Variants in OSBPL10 observed in about 807,000 individuals in gnomAD.
OSBPL10 encodes the protein oxysterol binding protein like 10.
OSBPL10 carries 49 observed loss-of-function variants against 81.7 expected under a neutral mutation model. The ratio of observed to expected loss-of-function variants is 0.60; its 90% CI spans 0.48 to 0.76. The LOEUF (loss-of-function observed/expected upper bound fraction) is 0.76. OSBPL10 is among the 30% of genes least tolerant of loss of function. The pLI is 0.00. For missense variants in OSBPL10, 923 were observed against 987.8 expected (o/e 0.93, Z 0.88); for synonymous variants, 419 against 383.6 (o/e 1.09, Z -1.08).
chr3:32,002,514 G>A (rs1302374409), intron 2 of OSBPL10, among the ~76,000 whole-genome samples: 1 of 152,162 alleles, frequency 6.6e-6, no homozygotes, highest in Admixed American at 6.5e-5. Flanking sequence ...TGTTTGCTGG[G>A]AAGCAATAAG....
At chr3:31,688,546 C>A (rs921903337) in intron 7 of OSBPL10, among the ~76,000 whole-genome samples, 1 of 152,140 alleles carries the variant, frequency 6.6e-6, no homozygotes, top group Non-Finnish European at 1.5e-5. Context: ...AGTGGATAGA[C>A]ACCTGACTCC....
intron 4 of OSBPL10, among the ~76,000 whole-genome samples, chr3:31,826,554 T>C (rs1289213000): frequency 1.5e-4 from 23 of 152,226 alleles, no homozygotes; most frequent in Admixed American, 1.5e-3. Context: ...TATTTCTCTT[T>C]TATTCTCCTG....
intron 1 of OSBPL10, among the ~76,000 whole-genome samples, chr3:31,932,589 T>C (rs1697279592): frequency 6.6e-6 from 1 of 152,186 alleles, no homozygotes; most frequent in African/African-American, 2.4e-5. Flanking sequence ...ATAAGTCTAC[T>C]ATATCCTTAC....
chr3:32,013,489 G>A (rs1559549334), intron 2 of OSBPL10, among the ~76,000 whole-genome samples: 1 of 152,150 alleles, frequency 6.6e-6, no homozygotes, highest in Non-Finnish European at 1.5e-5. Flanking sequence ...ACAAGAGAAA[G>A]CAGGAAAGAT....
At chr3:31,803,601 A>G (rs1699447485) in intron 4 of OSBPL10, among the ~76,000 whole-genome samples, 1 of 152,218 alleles carries the variant, frequency 6.6e-6, no homozygotes, top group Admixed American at 6.5e-5. Flanking sequence ...AGTTATTCAA[A>G]TGAAGAAATT....
At chr3:31,736,726 C>T (rs1174177376) in intron 5 of OSBPL10, among the ~76,000 whole-genome samples, 2 of 152,100 alleles carry the variant, frequency 1.3e-5, no homozygotes, top group African/African-American at 2.4e-5. Flanking sequence ...ACAGTGAGAC[C>T]CTGTCTCTAC....
At chr3:32,015,757 A>G (rs1436621619) in intron 2 of OSBPL10, among the ~76,000 whole-genome samples, 1 of 152,328 alleles carries the variant, frequency 6.6e-6, no homozygotes, top group South Asian at 2.1e-4. Flanking sequence ...TTTACAAGAA[A>G]AAAACAACCC....
intron 4 of OSBPL10, among the ~76,000 whole-genome samples, chr3:31,819,023 T>C (rs1699919560): frequency 6.6e-6 from 1 of 152,250 alleles, no homozygotes; most frequent in Non-Finnish European, 1.5e-5. Flanking sequence ...AAGAGCACGG[T>C]TGCTAAGATT....
chr3:31,890,612 T>A (rs562657492), intron 1 of OSBPL10, among the ~76,000 whole-genome samples: 9 of 152,258 alleles, frequency 5.9e-5, no homozygotes, highest in Non-Finnish European at 1.0e-4. Flanking sequence ...CAAGATTTGA[T>A]GCACTGAGCT....
At chr3:31,863,952 G>A (rs1304872065) in intron 3 of OSBPL10, among the ~76,000 whole-genome samples, 1 of 152,100 alleles carries the variant, frequency 6.6e-6, no homozygotes. Flanking sequence ...ACTACTAACA[G>A]GTAAAGGAGA....
At chr3:31,858,066 G>T (rs1198143189) in intron 3 of OSBPL10, among the ~76,000 whole-genome samples, 6 of 151,264 alleles carry the variant, frequency 4.0e-5, no homozygotes, top group Admixed American at 2.6e-4. Flanking sequence ...CGTAATCATG[G>T]CTCACTGCAG....
At chr3:31,843,041 A>G (rs890306061) in intron 3 of OSBPL10, among the ~76,000 whole-genome samples, 1 of 152,190 alleles carries the variant, frequency 6.6e-6, no homozygotes, top group African/African-American at 2.4e-5. Context: ...CCTGCCTTAC[A>G]CCTCTCAATC....
intron 8 of OSBPL10, among the ~76,000 whole-genome samples, chr3:31,671,857 C>G (rs1409493638): frequency 6.6e-6 from 1 of 152,102 alleles, no homozygotes; most frequent in Non-Finnish European, 1.5e-5. Context: ...ATACAGAGGC[C>G]CTATACAGAC....
At chr3:31,771,041 A>C (rs1313351484) in intron 4 of OSBPL10, among the ~76,000 whole-genome samples, 1 of 152,198 alleles carries the variant, frequency 6.6e-6, no homozygotes, top group African/African-American at 2.4e-5. Flanking sequence ...AATGGGGCTC[A>C]CAATAGTTCT....
At chr3:31,975,227 A>C (rs1053430897) in intron 1 of OSBPL10, among the ~76,000 whole-genome samples, 2 of 152,196 alleles carry the variant, frequency 1.3e-5, no homozygotes, top group African/African-American at 4.8e-5. Context: ...GAAACTAGTT[A>C]GTGTCCCTAA....
chr3:31,964,891 G>A (rs183309126), intron 1 of OSBPL10, among the ~76,000 whole-genome samples: 97 of 152,282 alleles, frequency 6.4e-4, no homozygotes, highest in African/African-American at 1.9e-3. Context: ...AGCAGAGGGT[G>A]TACTTTCTTT....
At chr3:31,822,789 C>T (rs778480558) in intron 4 of OSBPL10, among the ~76,000 whole-genome samples, 1 of 151,568 alleles carries the variant, frequency 6.6e-6, no homozygotes, top group Non-Finnish European at 1.5e-5. Flanking sequence ...TGGCATATGC[C>T]TATACTCCTA....
At chr3:31,989,526 G>T (rs1401399705) in intron 2 of OSBPL10, 2 of 1,614,192 alleles carry the variant, frequency 1.2e-6, no homozygotes, top group African/African-American at 2.7e-5. Flanking sequence ...CTGGAAACAA[G>T]CCTATCAAAG....
intron 1 of OSBPL10, among the ~76,000 whole-genome samples, chr3:31,885,253 T>A (rs562030556): frequency 1.3e-5 from 2 of 151,954 alleles, no homozygotes; most frequent in East Asian, 1.9e-4. Flanking sequence ...ATAAACACAC[T>A]CACACAGGTA....
Sources: gnomAD v4.1 joint callset for allele counts (sites outside exome capture counted in the v4.1 genomes callset) on GRCh38, gnomAD v4.1.1 for gene constraint, MANE v1.5 for transcripts, NCBI Gene and HGNC (gene_info 2026-07-23, HGNC 2026-07-21) for gene names.